The following DOCK5 variants were observed in gnomAD, a reference collection of about 807,000 sequenced individuals.
DOCK5 encodes the protein dedicator of cytokinesis protein 5.
A neutral mutation model predicts 251.8 loss-of-function variants in DOCK5; 142 were observed. The observed-to-expected ratio is 0.56, with a 90% CI of 0.49 to 0.65. DOCK5 has a LOEUF of 0.65. DOCK5 is among the 30% of genes least tolerant of loss of function. The pLI, the probability that DOCK5 is intolerant of heterozygous loss-of-function variation, is 0.00. For missense variants in DOCK5, 2,111 were observed against 2,312.3 expected (o/e 0.91, Z 1.79); for synonymous variants, 842 against 835.5 (o/e 1.01, Z -0.13).
At chr8:25,226,569 T>G (rs1240155716) in intron 1 of DOCK5, among the ~76,000 whole-genome samples, 1 of 151,124 alleles carries the variant, frequency 6.6e-6, no homozygotes, top group African/African-American at 2.4e-5. Context: ...ATGTTTTATT[T>G]TTTTATTTTT....
At chr8:25,185,874 G>A (rs1187220198) in intron 1 of DOCK5, among the ~76,000 whole-genome samples, 1 of 152,208 alleles carries the variant, frequency 6.6e-6, no homozygotes, top group African/African-American at 2.4e-5. Flanking sequence ...TTGAGGGCCT[G>A]TGGGAAGACT....
At chr8:25,278,201 C>T (rs1230902645) in intron 4 of DOCK5, among the ~76,000 whole-genome samples, 1 of 152,158 alleles carries the variant, frequency 6.6e-6, no homozygotes, top group African/African-American at 2.4e-5. Flanking sequence ...TCCATCCAGC[C>T]TCCCAAATGA....
chr8:25,383,763 G>A (rs535746265), intron 40 of DOCK5, among the ~76,000 whole-genome samples: 5 of 152,198 alleles, frequency 3.3e-5, no homozygotes, highest in African/African-American at 1.2e-4. Context: ...GCTGAGGCAG[G>A]GGAATTGCTT....
At chr8:25,233,694 G>A (rs937605859) in intron 1 of DOCK5, among the ~76,000 whole-genome samples, 4 of 152,040 alleles carry the variant, frequency 2.6e-5, no homozygotes, top group Middle Eastern at 3.2e-3. Flanking sequence ...AATTTTGTTC[G>A]CCTTGGTCTA....
chr8:25,345,848 C>A (rs1032136510), intron 26 of DOCK5, among the ~76,000 whole-genome samples: 3 of 151,906 alleles, frequency 2.0e-5, no homozygotes, highest in African/African-American at 7.2e-5. Context: ...CTATTGAGAT[C>A]CCTGTGACTT....
chr8:25,300,359 G>A lies in DOCK5; in HGVS notation c.765-217G>A, dbSNP rs936969606. ...TGCATCTGTGTGGGGCATGTCTTGC[G>A]GAGCCACAGCAGGGACGCTTCTCTA... On this transcript the variant is annotated intron_variant, in intron 8 of 51. Coordinates refer to ENST00000276440, the MANE Select transcript of DOCK5 (RefSeq NM_024940.8). Among the ~76,000 whole-genome samples, 6 of 152,182 alleles carry A rather than the reference G, an allele frequency of 3.9e-5. 1 individual carries two copies. Among genetic ancestry groups the A allele is most frequent in the African/African-American group, 2.4e-5 (1 of 41,436 alleles).
In DOCK5 at chr8:25,229,129, C is replaced by T. The variant is rs113125968; in HGVS notation, c.44-14545C>T. ...TACACTCAGTTGAACTTGAAGGCAA[C>T]GAAAAGTCGCAGATGCAGGAACCAG... On this transcript the variant is annotated intron_variant, in intron 1 of 51. Transcript: ENST00000276440. Among the ~76,000 whole-genome samples the T allele has an allele frequency of 5.3e-3, 805 of 151,416 alleles. 7 individuals are homozygous for T. Among genetic ancestry groups the T allele is most frequent in the South Asian group, 0.032 (151 of 4,790 alleles).
In DOCK5 at chr8:25,341,734, T is replaced by G; in HGVS notation, c.2440-5T>G. The G allele has an allele frequency of 1.3e-6, 2 of 1,572,768 alleles. No individual in the cohort carries two copies. Among genetic ancestry groups the G allele is most frequent in the Non-Finnish European group, 1.7e-6 (2 of 1,157,164 alleles). On this transcript the variant is annotated splice_polypyrimidine_tract_variant and splice_region_variant and intron_variant, in intron 23 of 51. Coordinates refer to ENST00000276440, the MANE Select transcript of DOCK5 (RefSeq NM_024940.8). ...CTGAATTTGCCTTTGGTGTTTTTCT[T>G]ACAGGGGGCAGCTTTGAAGTACCTT...
chr8:25,303,583 C>T (rs909133526), intron 10 of DOCK5, among the ~76,000 whole-genome samples: 8 of 152,122 alleles, frequency 5.3e-5, no homozygotes, highest in Non-Finnish European at 1.2e-4. Flanking sequence ...AGATTGAAAG[C>T]GATCAAGGAA....
At chr8:25,199,380 CTTTT>C (rs564264937) in intron 1 of DOCK5, among the ~76,000 whole-genome samples, 2 of 117,894 alleles carry the variant, frequency 1.7e-5, no homozygotes, top group African/African-American at 6.6e-5. Flanking sequence ...CCGCTCTGTT[CTTTT>C]TTTTTTTTTT....
At chr8:25,225,854 C>T (rs968153837) in intron 1 of DOCK5, among the ~76,000 whole-genome samples, 2 of 151,926 alleles carry the variant, frequency 1.3e-5, no homozygotes, top group African/African-American at 4.8e-5. Flanking sequence ...TTAAAGGGAC[C>T]CAAAGTAAAA....
intron 39 of DOCK5, among the ~76,000 whole-genome samples, chr8:25,381,430 G>A (rs994902010): frequency 2.2e-4 from 33 of 152,092 alleles, no homozygotes; most frequent in African/African-American, 6.0e-4. Context: ...TTCCAGACGA[G>A]TCTGAGCAAC....
rs972028133 is a variant in DOCK5 at position 25,276,036 on chromosome 8, T to G, written c.224+595T>G. ...GAGGGCTTTTGCCTCTACATTACAT[T>G]TATTATCTGTTCACTGATTGTGTGT... On this transcript the variant is annotated intron_variant, in intron 4 of 51. Coordinates refer to ENST00000276440, the MANE Select transcript of DOCK5 (RefSeq NM_024940.8). Among the ~76,000 whole-genome samples the G allele has an allele frequency of 3.3e-5, 5 of 152,204 alleles. No individual in the cohort carries two copies. In the East Asian group the frequency reaches 9.7e-4, roughly 29 times the overall value.
chr8:25,203,334 T>C (rs1801924551), intron 1 of DOCK5, among the ~76,000 whole-genome samples: 1 of 152,228 alleles, frequency 6.6e-6, no homozygotes, highest in South Asian at 2.1e-4. Flanking sequence ...CAGTTTATCT[T>C]TGGCGGAATT....
intron 21 of DOCK5, among the ~76,000 whole-genome samples, chr8:25,335,460 A>G (rs1805782334): frequency 1.3e-5 from 2 of 152,080 alleles, no homozygotes; most frequent in African/African-American, 4.8e-5. Context: ...ACTGCACTCC[A>G]TCCTGGGTGA....
intron 26 of DOCK5, among the ~76,000 whole-genome samples, chr8:25,349,103 A>G (rs991338420): frequency 1.3e-5 from 2 of 152,222 alleles, no homozygotes; most frequent in Admixed American, 6.5e-5. Flanking sequence ...GAGGAAGAGA[A>G]GAAGGGACAG....
intron 1 of DOCK5, among the ~76,000 whole-genome samples, chr8:25,186,365 T>A (rs1801431402): frequency 1.3e-5 from 2 of 149,072 alleles, no homozygotes; most frequent in Non-Finnish European, 3.0e-5. Context: ...TTTTTTTTTT[T>A]TGGTTTGTTT....
At chr8:25,410,710 A>T (rs5890232) in intron 51 of DOCK5, among the ~76,000 whole-genome samples, 4 of 125,950 alleles carry the variant, frequency 3.2e-5, no homozygotes, top group Admixed American at 7.8e-5. Flanking sequence ...GATCCCCCCC[A>T]CCCACCTCAG....
At chr8:25,336,482 A>G (rs1805812957) in intron 22 of DOCK5, 109 bp downstream of exon 22, 12 of 1,376,804 alleles carry the variant, frequency 8.7e-6, no homozygotes, top group Non-Finnish European at 1.2e-5. Flanking sequence ...AGTTCTTAGA[A>G]TTGCCTTATT....
Sources: gnomAD v4.1 joint callset for allele counts (sites outside exome capture counted in the v4.1 genomes callset) on GRCh38, gnomAD v4.1.1 for gene constraint, MANE v1.5 for transcripts, NCBI Gene and HGNC (gene_info 2026-07-23, HGNC 2026-07-21) for gene names.